Variants in FARP1 observed in about 807,000 individuals in gnomAD.
FARP1 encodes FERM, ARH/RhoGEF and pleckstrin domain protein 1.
FARP1 carries 52 observed loss-of-function variants against 128.8 expected under a neutral mutation model. The ratio of observed to expected loss-of-function variants is 0.40; its 90% CI spans 0.32 to 0.51. The LOEUF (loss-of-function observed/expected upper bound fraction) is 0.51, where lower values mean the gene tolerates loss of function less well. FARP1 is among the 20% of genes least tolerant of loss of function. FARP1 has a pLI of 0.45. For synonymous variants in FARP1, 580 were observed against 551.8 expected (o/e 1.05, Z -0.72); for missense variants, 1,333 against 1,367.9 (o/e 0.97, Z 0.40).
chr13:98,431,008 C>G, intron 17 of FARP1, 35 bp from the exon 18 acceptor site: 8 of 1,448,660 alleles, frequency 5.5e-6, no homozygotes, highest in Non-Finnish European at 7.7e-6. Flanking sequence ...TCCCATTCAG[C>G]TGAACAGGAC....
chr13:98,314,274 CTTTTTTTTTT>C (rs140938723), intron 2 of FARP1, among the ~76,000 whole-genome samples: 1 of 59,988 alleles, frequency 1.7e-5, no homozygotes, highest in Non-Finnish European at 2.9e-5. Context: ...TATTTTATGT[CTTTTTTTTTT>C]TTTTTTTTTT....
chr13:98,213,134 C>T (rs1474691085), intron 1 of FARP1, 86 bp from the exon 2 acceptor site: 2 of 1,091,680 alleles, frequency 1.8e-6, no homozygotes, highest in Non-Finnish European at 2.6e-6. Flanking sequence ...AGCCCCCTGC[C>T]CACCTGGGTG....
intron 2 of FARP1, among the ~76,000 whole-genome samples, chr13:98,343,130 G>A (rs1888040466): frequency 6.6e-6 from 1 of 152,114 alleles, no homozygotes; most frequent in South Asian, 2.1e-4. Flanking sequence ...AGTCCAGCTA[G>A]ATGACATTCT....
At position 98,452,149 on chromosome 13, in the gene FARP1, G is replaced by C. The variant is rs1389498707; in HGVS notation, c.*3832G>C. On this transcript the variant is annotated 3_prime_UTR_variant, in exon 27 of 27. Coordinates refer to ENST00000319562, the MANE Select transcript of FARP1 (RefSeq NM_005766.4). The stretch of plus-strand genomic sequence containing the variant: ...CCTCTGAAGAGTCACATTTCAAGGA[G>C]TATGCAAAATAAGCGTGTTATAAAA... 2.6e-5 allele frequency: 4 copies of C among 152,162 alleles called. No homozygotes were observed. The highest frequency in any genetic ancestry group is 2.6e-4 in the Admixed American group (4 of 15,272). 9.4% of individuals were successfully genotyped at this position (152,162 alleles called of 1,614,324 possible).
At chr13:98,244,522 C>T (rs7318267) in intron 2 of FARP1, 630,707 of 1,613,596 alleles carry the variant, frequency 0.39, 126,962 homozygotes, top group East Asian at 0.64. Context: ...CTCAAAGCCA[C>T]CGGCTCCTCC....
chr13:98,337,836 G>A (rs1001292663), intron 2 of FARP1, among the ~76,000 whole-genome samples: 5 of 152,084 alleles, frequency 3.3e-5, no homozygotes, highest in African/African-American at 1.2e-4. Context: ...TTCCAAAGAT[G>A]TTCAGTTTAT....
intron 8 of FARP1, 52 bp from the exon 9 acceptor site, chr13:98,388,331 C>A: frequency 1.4e-6 from 2 of 1,399,654 alleles, no homozygotes; most frequent in South Asian, 1.2e-5. Context: ...GACCAACTCC[C>A]AAGTTGCTTG....
chr13:98,233,485 C>T (rs1168430245), intron 2 of FARP1, among the ~76,000 whole-genome samples: 1 of 152,116 alleles, frequency 6.6e-6, no homozygotes, highest in Non-Finnish European at 1.5e-5. Context: ...GCTCCTTCCC[C>T]CAAATACACT....
intron 2 of FARP1, chr13:98,333,781 A>G (rs927809354): frequency 6.6e-6 from 1 of 152,006 alleles, no homozygotes; most frequent in Non-Finnish European, 1.5e-5. Flanking sequence ...GGCAGGCCTA[A>G]ACATTTAGCT....
intron 2 of FARP1, among the ~76,000 whole-genome samples, chr13:98,295,080 C>G (rs1329112536): frequency 2.0e-5 from 2 of 101,542 alleles, no homozygotes; most frequent in Non-Finnish European, 4.3e-5. Context: ...CACACACACA[C>G]ACACACACAC....
chr13:98,389,901 T>A, intron 9 of FARP1, 56 bp from the exon 10 acceptor site: 1 of 1,542,354 alleles, frequency 6.5e-7, no homozygotes. Context: ...TTCTCCTATT[T>A]CAGTGGTGTA....
intron 2 of FARP1, among the ~76,000 whole-genome samples, chr13:98,300,685 T>A (rs1204032877): frequency 1.3e-5 from 2 of 152,180 alleles, no homozygotes; most frequent in Admixed American, 1.3e-4. Context: ...CCTCTGTACT[T>A]TTTTTCTAAA....
Position 98,232,145 on chromosome 13 carries a change from G to GTTTTTTTTTTTTTTTTTTTT in FARP1, c.171+18734_171+18753dup, listed in dbSNP as rs59209045. ...GTGCCCGGCTTTTTTTGTTTGGTTG[G>GTTTTTTTTTTTTTTTTTTTT]TTTTTTTTTTTTTTTTTTTTTGCTT... On this transcript the variant is annotated intron_variant, in intron 2 of 26. Transcript: ENST00000319562. 3.8e-5 allele frequency among the ~76,000 whole-genome samples: 4 copies of GTTTTTTTTTTTTTTTTTTTT among 105,780 alleles called. 1 individual carries two copies. Among genetic ancestry groups the GTTTTTTTTTTTTTTTTTTTT allele is most frequent in the African/African-American group, 7.6e-5 (2 of 26,154 alleles). The allele number at this position is 105,780 out of a possible 152,430, so 69.4% of individuals were successfully genotyped here.
At position 98,453,048 on chromosome 13, in the gene FARP1, G is replaced by A. The variant is rs12463; in HGVS notation, c.*4731G>A. The A allele has an allele frequency of 0.26, 275,877 of 1,074,126 alleles. 36,507 individuals carry two copies. Among genetic ancestry groups the A allele is most frequent in the Non-Finnish European group, 0.27 (199,371 of 730,714 alleles). The allele number at this position is 1,074,126 out of a possible 1,614,324, so 66.5% of individuals were successfully genotyped here. A position where few individuals can be genotyped will look rare whatever the true frequency, so the allele number is the denominator to read the frequency against. On this transcript the variant is annotated 3_prime_UTR_variant, in exon 27 of 27. Transcript: ENST00000319562. ...GTGTGTCCCTGGACGGGCGCCTGGC[G>A]CTGGGGTGGCTCCCAGTGGCGCACC... is the stretch of plus-strand genomic sequence containing the variant.
intron 1 of FARP1, among the ~76,000 whole-genome samples, chr13:98,144,694 T>C (rs1875385510): frequency 6.6e-6 from 1 of 152,192 alleles, no homozygotes; most frequent in African/African-American, 2.4e-5. Flanking sequence ...TCCAGCATTG[T>C]CTTGCTTTTC....
chr13:98,374,890 A>G (rs1282606344), intron 5 of FARP1, among the ~76,000 whole-genome samples: 2 of 152,202 alleles, frequency 1.3e-5, no homozygotes, highest in African/African-American at 2.4e-5. Context: ...TGGGTGGAAC[A>G]GGGAGGTGCT....
At chr13:98,281,442 T>C (rs141605739) in intron 2 of FARP1, among the ~76,000 whole-genome samples, 4 of 152,320 alleles carry the variant, frequency 2.6e-5, no homozygotes, top group African/African-American at 9.6e-5. Context: ...CTTGTATGTC[T>C]ATTCATTTCC....
At chr13:98,245,058 C>G in intron 2 of FARP1, 1 of 1,036,722 alleles carries the variant, frequency 9.6e-7, no homozygotes, top group Middle Eastern at 4.8e-4. Flanking sequence ...ATTGCTAGTG[C>G]AGAAGTTAAA....
chr13:98,346,789 G>A lies in FARP1; in HGVS notation c.276+2923G>A, dbSNP rs1198858367. ...TAGAATGGATCTGTGGTAATTGAGG[G>A]GATGCCGTAAATGACTGGAGGAGTT... On this transcript the variant is annotated intron_variant, in intron 3 of 26. Transcript: ENST00000319562. Among the ~76,000 whole-genome samples the A allele has an allele frequency of 2.0e-5, 3 of 152,096 alleles. No homozygotes were observed. The East Asian group carries it at 5.8e-4, about 29-fold the overall frequency.
Sources: allele counts gnomAD v4.1 joint callset (sites outside exome capture counted in the v4.1 genomes callset), GRCh38; gene constraint gnomAD v4.1.1; transcripts MANE v1.5; gene names NCBI Gene and HGNC (gene_info 2026-07-23, HGNC 2026-07-21).